Variants in XPNPEP2 observed in about 807,000 individuals in gnomAD.
XPNPEP2 encodes the protein xaa-Pro aminopeptidase 2.
XPNPEP2 carries 64 observed loss-of-function variants against 59.8 expected under a neutral mutation model. The ratio of observed to expected loss-of-function variants is 1.07; its 90% CI spans 0.87 to 1.32. XPNPEP2 has a LOEUF of 1.32. Ranked by LOEUF, XPNPEP2 falls within the 40% of genes most tolerant of loss-of-function variation. The pLI is 0.00. For missense variants in XPNPEP2, 575 were observed against 546.8 expected, an observed-to-expected ratio of 1.05 and a Z score of -0.51; for synonymous variants, 235 against 210.0, an observed-to-expected ratio of 1.12 and a Z score of -1.03.
At chrX:129,760,356 G>C (rs764587882) in intron 15 of XPNPEP2, among the ~76,000 whole-genome samples, 156 bp from the exon 16 acceptor site, 1 of 112,695 alleles carries the variant, frequency 8.9e-6, no homozygotes, top group African/African-American at 3.2e-5. Context: ...CCATCTTCCA[G>C]AACCCGGGCA....
chrX:129,766,600 C>G (rs1489165048), intron 19 of XPNPEP2, among the ~76,000 whole-genome samples: 1 of 111,170 alleles, frequency 9.0e-6, no homozygotes, highest in Non-Finnish European at 1.9e-5. Context: ...CTTCAACCTC[C>G]TGGGCTCAGG....
rs1472986927 is a variant in XPNPEP2 at position 129,762,079 on chromosome X, G to A, written c.1663+14G>A. On this transcript the variant is annotated intron_variant, in intron 18 of 20. Transcript: ENST00000371106. ...TCACTTCCATTGGTATGGCCCTCAG[G>A]CCCCTCTACCTCACCACCCCATCCC... 1.7e-6 allele frequency: 2 copies of A among 1,209,519 alleles called. No individual in the cohort carries two copies. The highest frequency in any genetic ancestry group is 3.0e-5 in the East Asian group (1 of 33,830).
chrX:129,759,124 C>T, intron 14 of XPNPEP2, 56 bp from the exon 15 acceptor site: 3 of 1,195,574 alleles, frequency 2.5e-6, no homozygotes. Flanking sequence ...ACAGAAAGCA[C>T]ATGGCCCCAG....
At position 129,751,111 on chromosome X, in the gene XPNPEP2, C is replaced by T. The variant is rs1038661255; in HGVS notation, c.739+542C>T. On this transcript the variant is annotated intron_variant, in intron 8 of 20. Coordinates refer to ENST00000371106, the MANE Select transcript of XPNPEP2 (RefSeq NM_003399.6). ...AAAGACGCCCACTCCCCCACCCCCC[C>T]CCCCCGGCAAAAAGATTGAGTAACA... is the stretch of plus-strand genomic sequence containing the variant. Among the ~76,000 whole-genome samples, 3 of 86,722 alleles carry T rather than the reference C, an allele frequency of 3.5e-5. 1 individual carries two copies. Among genetic ancestry groups the T allele is most frequent in the African/African-American group, 1.2e-4 (3 of 24,942 alleles). The allele number at this position is 86,722 out of a possible 115,157, so 75.3% of individuals were successfully genotyped here.
rs768849102 is a variant in XPNPEP2 at position 129,744,078 on chromosome X, G to C, written c.234+7G>C. The C allele has an allele frequency of 7.7e-5, 92 of 1,200,288 alleles. No individual in the cohort carries two copies. The African/African-American group carries it at 1.3e-3, about 17-fold the overall frequency. On this transcript the variant is annotated splice_region_variant and intron_variant, in intron 3 of 20. Coordinates refer to ENST00000371106, the MANE Select transcript of XPNPEP2 (RefSeq NM_003399.6). ...AGGCACAGATGCTCACATGGTAAGA[G>C]ACAGCTTCTCTCCCCCTTGCCCTCT...
At chrX:129,742,351 G>A (rs997953996) in intron 2 of XPNPEP2, among the ~76,000 whole-genome samples, 170 bp downstream of exon 2, 17 of 104,523 alleles carry the variant, frequency 1.6e-4, no homozygotes, top group Non-Finnish European at 9.8e-5. Flanking sequence ...CCTGATTTCC[G>A]GACTCTTGGG....
At chrX:129,745,024 A>T (rs1926267468) in intron 3 of XPNPEP2, among the ~76,000 whole-genome samples, 179 bp from the exon 4 acceptor site, 1 of 111,371 alleles carries the variant, frequency 9.0e-6, no homozygotes, top group South Asian at 3.8e-4. Flanking sequence ...GGAAGGGAAG[A>T]TATTGAAGGC....
At position 129,747,618 on chromosome X, in the gene XPNPEP2, A is replaced by G. The variant is rs142228150; in HGVS notation, c.502A>G (p.Ser168Gly). ...TCTTGTCTCTGCAGACACCTGGGAG[A>G]GTTATGATCTGGCCCTCCAAGGCTC... The part of the protein sequence containing the change: ...PFLLSIDTWE[S>G]YDLALQGSNR... The change falls in exon 7 of 21, where the codon AGT becomes GGT. Residue 168 changes from serine (S) to glycine (G), a missense_variant. By Grantham distance (56) the Ser-to-Gly change is moderately conservative. Coordinates refer to ENST00000371106, the MANE Select transcript of XPNPEP2 (RefSeq NM_003399.6). 5.8e-5 allele frequency: 70 copies of G among 1,209,958 alleles called. No homozygotes were observed. The highest frequency in any genetic ancestry group is 6.5e-5 in the Admixed American group (3 of 45,908).
rs773457221 is a variant in XPNPEP2 at position 129,769,017 on chromosome X, A to T, written c.*532A>T. 1 of 112,581 alleles carries T rather than the reference A, an allele frequency of 8.9e-6. No homozygotes were observed. The highest frequency in any genetic ancestry group is 2.8e-4 in the East Asian group (1 of 3,588). The allele number at this position is 112,581 out of a possible 1,213,427, so 9.3% of individuals were successfully genotyped here. A position where few individuals can be genotyped will look rare whatever the true frequency, so the allele number is the denominator to read the frequency against. On this transcript the variant is annotated 3_prime_UTR_variant, in exon 21 of 21. Transcript: ENST00000371106. ...ACCCTGGGTAGGCTCCATGCCAAGT[A>T]ACAGCAGAGGGAGTTAAGCCATAGG...
intron 19 of XPNPEP2, among the ~76,000 whole-genome samples, chrX:129,765,583 A>G (rs1191986712): frequency 9.4e-6 from 1 of 106,598 alleles, no homozygotes; most frequent in Non-Finnish European, 1.9e-5. Flanking sequence ...TAGGTGAAAC[A>G]TGGTATTCTA....
In XPNPEP2 at chrX:129,762,015, G is replaced by A; in HGVS notation, c.1613G>A (p.Gly538Glu). ...NFLCVHEWPV[G>E]FQSNNIAMAK... is the part of the protein sequence containing the mutation. ...ATGTCTTCCTTTCTAGGGCCAGTGGGATTCCAGTCCAACAACATCGCTATG... is the reference window on the plus strand; with the variant it reads ...ATGTCTTCCTTTCTAGGGCCAGTGGAATTCCAGTCCAACAACATCGCTATG... The change falls in exon 18 of 21, where the codon GGA becomes GAA. Residue 538 changes from glycine to glutamate, a missense_variant. Physicochemically the swap from Gly to Glu is moderately conservative, Grantham distance 98. Coordinates refer to ENST00000371106, the MANE Select transcript of XPNPEP2 (RefSeq NM_003399.6). The A allele has an allele frequency of 8.3e-7, 1 of 1,211,712 alleles. No individual in the cohort carries two copies. The highest frequency in any genetic ancestry group is 1.1e-6 in the Non-Finnish European group (1 of 895,329).
intron 14 of XPNPEP2, among the ~76,000 whole-genome samples, chrX:129,756,987 C>A (rs1168448108): frequency 1.1e-5 from 1 of 91,408 alleles, no homozygotes; most frequent in African/African-American, 4.3e-5. Flanking sequence ...TGTCCACCAC[C>A]ATGCCCAGCT....
At chrX:129,758,412 A>C (rs1469196444) in intron 14 of XPNPEP2, among the ~76,000 whole-genome samples, 2 of 111,030 alleles carry the variant, frequency 1.8e-5, no homozygotes, top group Non-Finnish European at 3.8e-5. Context: ...CCCATGACCC[A>C]AGGAGAAGCC....
intron 2 of XPNPEP2, 68 bp downstream of exon 2, chrX:129,742,249 C>A: frequency 1.7e-6 from 1 of 604,434 alleles, no homozygotes; most frequent in Non-Finnish European, 2.5e-6. Context: ...CTGCCCCACG[C>A]ACCCCTGCAC....
At chrX:129,742,285 A>C in intron 2 of XPNPEP2, 104 bp downstream of exon 2, 2 of 385,412 alleles carry the variant, frequency 5.2e-6, no homozygotes, top group Non-Finnish European at 8.9e-6. Context: ...CTGCTCTATC[A>C]TCTTCTCTAT....
Position 129,746,575 on chromosome X carries a change from G to T in XPNPEP2, c.404-20G>T, listed in dbSNP as rs1926301195. The T allele has an allele frequency of 8.3e-7, 1 of 1,204,357 alleles. No homozygotes were observed. ...TGGCCCTGAAGGTGACCTCTGCATT[G>T]CTTCCTATCTTTCTTTCAGTTGGCA... On this transcript the variant is annotated intron_variant, in intron 5 of 20. Coordinates refer to ENST00000371106, the MANE Select transcript of XPNPEP2 (RefSeq NM_003399.6).
chrX:129,744,029 G>A lies in XPNPEP2; in HGVS notation c.192G>A (p.Gln64=). The A allele has an allele frequency of 8.3e-7, 1 of 1,211,856 alleles. No individual in the cohort carries two copies. The highest frequency in any genetic ancestry group is 1.1e-6 in the Non-Finnish European group (1 of 895,488). The change falls in exon 3 of 21, where the codon CAG becomes CAA. Residue 64 remains glutamine (Q), a synonymous_variant. Transcript: ENST00000371106. ...LTALRQQMQT[Q]NLSAYIIPGT... ...CCCTCCGCCAGCAGATGCAGACCCAGAATCTCTCAGCCTACATCATCCCAG... is the reference window on the plus strand; with the variant it reads ...CCCTCCGCCAGCAGATGCAGACCCAAAATCTCTCAGCCTACATCATCCCAG...
In XPNPEP2 at chrX:129,742,202, G is replaced by A. The variant is rs779671022; in HGVS notation, c.123+21G>A. On this transcript the variant is annotated intron_variant, in intron 2 of 20. Transcript: ENST00000371106. The stretch of plus-strand genomic sequence containing the variant: ...CCCCTGTGAGTGCCCCCTGCCCCCC[G>A]CGCACGGCCCCCCTGGCCCCACGCA... 3.0e-5 allele frequency: 27 copies of A among 899,215 alleles called. No individual in the cohort carries two copies. In the Admixed American group the frequency reaches 3.4e-4, roughly 11 times the overall value. The allele number at this position is 899,215 out of a possible 1,213,427, so 74.1% of individuals were successfully genotyped here. A position where few individuals can be genotyped will look rare whatever the true frequency, so the allele number is the denominator to read the frequency against.
rs752986980 is a variant in XPNPEP2, at chrX:129,746,344, G to A, written c.403+4G>A. ...AACTGGGAGCTCCATAAGGAAGGTA[G>A]AAGGGCCGCATGGATTTGTTCCCCA... On this transcript the variant is annotated splice_donor_region_variant and intron_variant, in intron 5 of 20. Coordinates refer to ENST00000371106, the MANE Select transcript of XPNPEP2 (RefSeq NM_003399.6). 5.8e-6 allele frequency: 7 copies of A among 1,203,011 alleles called. No individual in the cohort carries two copies. The highest frequency in any genetic ancestry group is 7.9e-6 in the Non-Finnish European group (7 of 890,187).
Sources: gnomAD v4.1 joint callset for allele counts (sites outside exome capture counted in the v4.1 genomes callset) on GRCh38, gnomAD v4.1.1 for gene constraint, MANE v1.5 for transcripts, NCBI Gene and HGNC (gene_info 2026-07-23, HGNC 2026-07-21) for gene names.